The following ADAMTS19 variants were observed in gnomAD, a reference collection of about 807,000 sequenced individuals.
ADAMTS19 encodes A disintegrin and metalloproteinase with thrombospondin motifs 19.
Under a neutral mutation model 153.3 loss-of-function variants are expected in ADAMTS19, and 93 were observed. The observed-to-expected ratio is 0.61, with a 90% CI of 0.51 to 0.72. ADAMTS19 has a LOEUF of 0.72. Among genes scored for constraint, ADAMTS19 ranks in the 30% least tolerant of loss-of-function variants. The probability of loss-of-function intolerance (pLI) is 0.00; values close to 1 mark genes in which losing one functional copy is unlikely to be tolerated. For missense variants in ADAMTS19, 1,482 were observed against 1,552.1 expected (o/e 0.95, Z 0.76); for synonymous variants, 600 against 556.6 (o/e 1.08, Z -1.10).
chr5:129,486,420 G>C (rs1459598850), intron 2 of ADAMTS19, among the ~76,000 whole-genome samples: 7 of 151,960 alleles, frequency 4.6e-5, no homozygotes, highest in Admixed American at 4.6e-4. Flanking sequence ...ACACTGCAAG[G>C]GTGGTTTAAT....
At chr5:129,557,522 C>T (rs1753356857) in intron 7 of ADAMTS19, among the ~76,000 whole-genome samples, 2 of 152,094 alleles carry the variant, frequency 1.3e-5, no homozygotes, top group Admixed American at 1.3e-4. Flanking sequence ...ATCGCTTGAA[C>T]CCAAAGGCAG....
chr5:129,638,576 T>TAC (rs200992336), intron 10 of ADAMTS19, among the ~76,000 whole-genome samples: 391 of 75,780 alleles, frequency 5.2e-3, no homozygotes, highest in African/African-American at 0.012. Context: ...CACACACACA[T>TAC]ACACACACAC....
At chr5:129,665,799 A>G (rs1199116622) in intron 16 of ADAMTS19, among the ~76,000 whole-genome samples, 5 of 151,734 alleles carry the variant, frequency 3.3e-5, no homozygotes, top group Non-Finnish European at 7.4e-5. Context: ...GAGGGGTAAA[A>G]ATTGCTTCCA....
intron 10 of ADAMTS19, among the ~76,000 whole-genome samples, chr5:129,637,473 A>G (rs1470773683): frequency 1.3e-5 from 2 of 152,218 alleles, no homozygotes; most frequent in Non-Finnish European, 2.9e-5. Context: ...TAGTTTGGAT[A>G]TCACAGATTT....
At chr5:129,636,624 G>A (rs900188760) in intron 10 of ADAMTS19, among the ~76,000 whole-genome samples, 2 of 152,168 alleles carry the variant, frequency 1.3e-5, no homozygotes, top group Non-Finnish European at 2.9e-5. Flanking sequence ...TATGTGGAGT[G>A]GAGGAGGTGA....
rs563205761 is a variant in ADAMTS19 at position 129,704,446 on chromosome 5, C to A, written c.3312+55C>A. 14 of 1,571,366 alleles carry A rather than the reference C, an allele frequency of 8.9e-6. No individual in the cohort carries two copies. In the South Asian group the frequency reaches 1.5e-4, roughly 17 times the overall value. ...TAGGTTTCAATAATGTCAGCATTGCCCTGGGTACTATAACCACATAGCATG... is the reference window on the plus strand; with the variant it reads ...TAGGTTTCAATAATGTCAGCATTGCACTGGGTACTATAACCACATAGCATG... On this transcript the variant is annotated intron_variant, in intron 21 of 22. Coordinates refer to ENST00000274487, the MANE Select transcript of ADAMTS19 (RefSeq NM_133638.6).
chr5:129,485,550 T>C (rs1176098021), intron 2 of ADAMTS19, among the ~76,000 whole-genome samples: 1 of 151,890 alleles, frequency 6.6e-6, no homozygotes, highest in East Asian at 1.9e-4. Flanking sequence ...ACAATAAAAC[T>C]GATAAATTTC....
chr5:129,726,671 A>T (rs7735351), intron 21 of ADAMTS19, among the ~76,000 whole-genome samples: 1 of 151,812 alleles, frequency 6.6e-6, no homozygotes, highest in Non-Finnish European at 1.5e-5. Context: ...ATAAAACTAT[A>T]TAGTGCATAT....
At chr5:129,558,680 A>T (rs1753397528) in intron 7 of ADAMTS19, among the ~76,000 whole-genome samples, 1 of 152,088 alleles carries the variant, frequency 6.6e-6, no homozygotes, top group Admixed American at 6.6e-5. Context: ...AGGTCTGAAA[A>T]TTGCCAAGGT....
chr5:129,471,540 G>T (rs943955470), intron 2 of ADAMTS19, among the ~76,000 whole-genome samples: 19 of 152,120 alleles, frequency 1.2e-4, no homozygotes, highest in Admixed American at 7.9e-4. Context: ...TAAATAAAAA[G>T]AATACAAGGT....
intron 7 of ADAMTS19, among the ~76,000 whole-genome samples, chr5:129,593,218 G>A (rs979882888): frequency 6.6e-6 from 1 of 152,120 alleles, no homozygotes; most frequent in Admixed American, 6.6e-5. Context: ...AAGTTTTTGA[G>A]CCTTAGCATC....
chr5:129,656,564 A>C (rs1410959132), intron 14 of ADAMTS19, among the ~76,000 whole-genome samples: 2 of 152,234 alleles, frequency 1.3e-5, no homozygotes, highest in Non-Finnish European at 2.9e-5. Flanking sequence ...TATCTCCCGC[A>C]CACCAGTGGT....
intron 2 of ADAMTS19, among the ~76,000 whole-genome samples, chr5:129,487,217 C>A (rs1418020377): frequency 6.6e-6 from 1 of 151,830 alleles, no homozygotes; most frequent in Non-Finnish European, 1.5e-5. Context: ...TTATTTTCTT[C>A]TTTTCAAAGG....
intron 3 of ADAMTS19, among the ~76,000 whole-genome samples, chr5:129,513,963 A>C (rs756389426): frequency 3.9e-5 from 6 of 151,996 alleles, no homozygotes; most frequent in Non-Finnish European, 7.4e-5. Flanking sequence ...GCCTCTGCTA[A>C]CCATCCTTCT....
intron 8 of ADAMTS19, among the ~76,000 whole-genome samples, chr5:129,597,294 T>TTAA (rs1256162040): frequency 6.6e-6 from 1 of 152,210 alleles, no homozygotes; most frequent in Admixed American, 6.5e-5. Context: ...GTACTTACTA[T>TTAA]TAATGTTTGC....
intron 2 of ADAMTS19, among the ~76,000 whole-genome samples, chr5:129,478,065 A>G (rs540509652): frequency 6.6e-6 from 1 of 152,230 alleles, no homozygotes. Context: ...AACCATGATG[A>G]TAACATAGGT....
chr5:129,465,304 A>T (rs1229168048), intron 2 of ADAMTS19, among the ~76,000 whole-genome samples: 1 of 136,422 alleles, frequency 7.3e-6, no homozygotes, highest in Non-Finnish European at 1.5e-5. Flanking sequence ...AGTTAACACA[A>T]TGTTTTTTTT....
intron 21 of ADAMTS19, among the ~76,000 whole-genome samples, chr5:129,731,209 C>T (rs1757430402): frequency 6.6e-6 from 1 of 152,008 alleles, no homozygotes; most frequent in Non-Finnish European, 1.5e-5. Context: ...CTGCCGGCCT[C>T]AGCCTCCCAA....
At chr5:129,582,678 T>C (rs1412177050) in intron 7 of ADAMTS19, among the ~76,000 whole-genome samples, 1 of 152,084 alleles carries the variant, frequency 6.6e-6, no homozygotes, top group Non-Finnish European at 1.5e-5. Context: ...GTTCATGCCA[T>C]TCTCCTGCCT....
Sources: gnomAD v4.1 joint callset for allele counts (sites outside exome capture counted in the v4.1 genomes callset) on GRCh38, gnomAD v4.1.1 for gene constraint, MANE v1.5 for transcripts, NCBI Gene and HGNC (gene_info 2026-07-23, HGNC 2026-07-21) for gene names.